The following CFAP46 variants were observed in gnomAD, a reference collection of about 807,000 sequenced individuals.
The protein encoded by CFAP46 is cilia and flagella associated protein 46, also known as cilia- and flagella-associated protein 46.
CFAP46 carries 245 observed loss-of-function variants against 325.7 expected under a neutral mutation model. The ratio of observed to expected loss-of-function variants is 0.75; its 90% CI spans 0.68 to 0.84. The LOEUF (loss-of-function observed/expected upper bound fraction) is 0.84. Among genes scored for constraint, CFAP46 ranks in the 40% least tolerant of loss-of-function variants. The pLI is 0.00. For synonymous variants in CFAP46, 1,523 were observed against 1,495.9 expected (o/e 1.02, Z -0.42); for missense variants, 3,346 against 3,543.0 (o/e 0.94, Z 1.41).
rs547564249 is a variant in CFAP46, at chr10:132,814,148, G to A, written c.7388+4C>T. ...AAACGGCTCCTGGGAGCCCAGATCC[G>A]AACCTGGGAAAGTGCTTGCTTCCCA... is the stretch of plus-strand genomic sequence containing the variant. On this transcript the variant is annotated splice_donor_region_variant and intron_variant, in intron 54 of 57. Transcript: ENST00000368586. 6.8e-5 allele frequency: 109 copies of A among 1,612,984 alleles called. 1 individual carries two copies. Among genetic ancestry groups the A allele is most frequent in the South Asian group, 3.4e-4 (31 of 91,054 alleles).
rs1849219356 is a variant in CFAP46, at chr10:132,889,007, C to G, written c.3305-3048G>C. Among the ~76,000 whole-genome samples, 3 of 152,358 alleles carry G rather than the reference C, an allele frequency of 2.0e-5. No homozygotes were observed. Among genetic ancestry groups the G allele is most frequent in the Admixed American group, 6.5e-5 (1 of 15,310 alleles). On this transcript the variant is annotated intron_variant, in intron 25 of 57. Coordinates refer to ENST00000368586, the MANE Select transcript of CFAP46 (RefSeq NM_001200049.3). The surrounding 1 kb of genome is among the most constrained non-coding windows in gnomAD (Gnocchi z 6.0). ...ACCCACCCTCTGGAGCCTTCTCAGA[C>G]TACGCAGCCCCTCACGCCCTTTCTC... is the stretch of plus-strand genomic sequence containing the variant.
rs773342466 is a variant in CFAP46, at chr10:132,922,563, C to A, written c.1402G>T (p.Ala468Ser). Residue 468 changes from alanine to serine, a missense_variant, in exon 12 of 58, where the codon GCC (alanine) becomes TCC (serine). Physicochemically the swap from Ala to Ser is moderately conservative, Grantham distance 99. Coordinates refer to ENST00000368586, the MANE Select transcript of CFAP46 (RefSeq NM_001200049.3). Reference sequence around the variant, plus strand: ...GTGCACAGACGCAGCCGGGTGGAGGCCATCTGGATCCTGTCCCGGTAGAGG... The same window carrying A: ...GTGCACAGACGCAGCCGGGTGGAGGACATCTGGATCCTGTCCCGGTAGAGG... ...LGLYRDRIQM[A>S]STRLRLCTTL... The A allele has an allele frequency of 1.3e-6, 2 of 1,548,290 alleles. No homozygotes were observed. Among genetic ancestry groups the A allele is most frequent in the South Asian group, 1.2e-5 (1 of 84,036 alleles).
chr10:132,891,615 C>G lies in CFAP46; in HGVS notation c.3304+718G>C, dbSNP rs11146563. Among the ~76,000 whole-genome samples, 3 of 152,206 alleles carry G rather than the reference C, an allele frequency of 2.0e-5. 1 individual carries two copies. The South Asian group carries it at 6.2e-4, about 32-fold the overall frequency. The stretch of plus-strand genomic sequence containing the variant: ...AAATCCACATGCTGTGGAGAATGCC[C>G]TTTTCCCTCTCCAGGGCTTTTCCCT... On this transcript the variant is annotated intron_variant, in intron 25 of 57. Transcript: ENST00000368586.
chr10:132,884,232 C>T lies in CFAP46; in HGVS notation c.3627+871G>A, dbSNP rs941064328. On this transcript the variant is annotated intron_variant, in intron 27 of 57. Coordinates refer to ENST00000368586, the MANE Select transcript of CFAP46 (RefSeq NM_001200049.3). This position sits in a 1 kb window ranked among gnomAD's most constrained non-coding sequence, Gnocchi z 5.4. ...AGGAACGACGTGGCCTCTGGTTCCCCGGAGCGAGGAGCAGTGGCTCCCTGT... is the reference window on the plus strand; with the variant it reads ...AGGAACGACGTGGCCTCTGGTTCCCTGGAGCGAGGAGCAGTGGCTCCCTGT... Among the ~76,000 whole-genome samples, 9 of 152,142 alleles carry T rather than the reference C, an allele frequency of 5.9e-5. No homozygotes were observed. Among genetic ancestry groups the T allele is most frequent in the Non-Finnish European group, 1.2e-4 (8 of 68,026 alleles).
At chr10:132,838,679 T>C (rs1362531211) in intron 44 of CFAP46, among the ~76,000 whole-genome samples, 1 of 152,260 alleles carries the variant, frequency 6.6e-6, no homozygotes, top group Non-Finnish European at 1.5e-5. Context: ...TTCCCGTCAA[T>C]GGGGGTCATG....
chr10:132,935,363 T>C (rs150180909), intron 7 of CFAP46, among the ~76,000 whole-genome samples: 10,280 of 74,632 alleles, frequency 0.14, 464 homozygotes, highest in Middle Eastern at 0.19. Flanking sequence ...TCACTCCCCT[T>C]GGCACCCAAA....
At chr10:132,862,614 T>A (rs1044155996) in intron 35 of CFAP46, among the ~76,000 whole-genome samples, 5 of 149,282 alleles carry the variant, frequency 3.3e-5, no homozygotes, top group African/African-American at 1.2e-4. Context: ...GAGTGCTGAG[T>A]GCTGAGGCTA....
intron 32 of CFAP46, among the ~76,000 whole-genome samples, chr10:132,870,929 A>G (rs951605633): frequency 1.3e-5 from 2 of 152,248 alleles, no homozygotes; most frequent in African/African-American, 4.8e-5. Flanking sequence ...TCAGAGCTAG[A>G]GAAGAAAAGT....
intron 44 of CFAP46, among the ~76,000 whole-genome samples, chr10:132,843,572 G>A (rs1441726961): frequency 1.5e-5 from 2 of 129,906 alleles, no homozygotes; most frequent in Non-Finnish European, 3.4e-5. Context: ...AGGGTGCCAT[G>A]GGGCTCTGGT....
At chr10:132,822,172 T>G (rs1459670360) in intron 50 of CFAP46, among the ~76,000 whole-genome samples, 1 of 137,952 alleles carries the variant, frequency 7.2e-6, no homozygotes, top group African/African-American at 2.9e-5. Flanking sequence ...CTGTGTGTGC[T>G]GATGTGTGCT....
chr10:132,852,708 A>G (rs1848578877), intron 39 of CFAP46, among the ~76,000 whole-genome samples: 1 of 152,232 alleles, frequency 6.6e-6, no homozygotes, highest in Admixed American at 6.5e-5. Flanking sequence ...ATCCACAGAC[A>G]TGATGCATTT....
In CFAP46 at chr10:132,919,317, C is replaced by CGCCGCAGCCTCAACTTCTTCACCTT; in HGVS notation, c.1831_1855dup (p.Arg619GlnfsTer16). On this transcript the variant is annotated frameshift_variant, in exon 15 of 58. Coordinates refer to ENST00000368586, the MANE Select transcript of CFAP46 (RefSeq NM_001200049.3). LOFTEE classifies it high-confidence loss of function. This position sits in a 1 kb window ranked among gnomAD's most constrained non-coding sequence, Gnocchi z 9.7. ...CACTCGTGAGGGCGGGTACGAACCTCGCCGCAGCCTCAACTTCTTCACCTT... is the reference window on the plus strand; with the variant it reads ...CACTCGTGAGGGCGGGTACGAACCTCGCCGCAGCCTCAACTTCTTCACCTTGCCGCAGCCTCAACTTCTTCACCTT... The CGCCGCAGCCTCAACTTCTTCACCTT allele has an allele frequency of 6.5e-7, 1 of 1,549,562 alleles. No homozygotes were observed.
rs143727091 is a variant in CFAP46 at position 132,874,155 on chromosome 10, C to T, written c.4363-1331G>A. On this transcript the variant is annotated intron_variant, in intron 31 of 57. Transcript: ENST00000368586. The stretch of plus-strand genomic sequence containing the variant: ...GACTAAAAGGCCAGCGTAACTTTTA[C>T]CACATCCTGAGGAGGACACACATGA... 2.5e-3 allele frequency among the ~76,000 whole-genome samples: 388 copies of T among 152,282 alleles called. 2 individuals are homozygous for T. Among genetic ancestry groups the T allele is most frequent in the African/African-American group, 8.9e-3 (369 of 41,548 alleles).
chr10:132,825,394 T>C (rs943111924), intron 50 of CFAP46, among the ~76,000 whole-genome samples: 1 of 152,174 alleles, frequency 6.6e-6, no homozygotes, highest in Non-Finnish European at 1.5e-5. Context: ...CATGTTAGCA[T>C]TTCTTACCAT....
At chr10:132,933,754 C>G (rs1849949628) in intron 8 of CFAP46, among the ~76,000 whole-genome samples, 1 of 152,236 alleles carries the variant, frequency 6.6e-6, no homozygotes, top group African/African-American at 2.4e-5. Context: ...TCTGGCGCCC[C>G]TCGCTAGCAC....
At chr10:132,923,527 C>T (rs1466966207) in intron 11 of CFAP46, among the ~76,000 whole-genome samples, 1 of 150,758 alleles carries the variant, frequency 6.6e-6, no homozygotes. Flanking sequence ...GCCCTGGAAC[C>T]CCTGGCCTTG....
rs143577412 is a variant in CFAP46 at position 132,880,411 on chromosome 10, T to C, written c.3799+450A>G. Among the ~76,000 whole-genome samples, 1,485 of 152,286 alleles carry C rather than the reference T, an allele frequency of 9.8e-3. 15 individuals are homozygous for C. The highest frequency in any genetic ancestry group is 0.044 in the South Asian group (211 of 4,818). On this transcript the variant is annotated intron_variant, in intron 28 of 57. Coordinates refer to ENST00000368586, the MANE Select transcript of CFAP46 (RefSeq NM_001200049.3). ...TGGCCAAGGGCCTGCTGAGGAGCAG[T>C]AGCTGGAGAATGGAGCCCCCACCTC...
chr10:132,913,383 G>A (rs943022274), intron 17 of CFAP46, 125 bp from the exon 18 acceptor site: 25 of 592,982 alleles, frequency 4.2e-5, no homozygotes, highest in East Asian at 1.7e-4. Context: ...GCGGGTGGGC[G>A]GCGACCAAAC....
chr10:132,851,722 C>T (rs977269465), intron 39 of CFAP46, among the ~76,000 whole-genome samples: 16 of 152,250 alleles, frequency 1.1e-4, no homozygotes, highest in African/African-American at 3.1e-4. Context: ...GTCGGTGCAC[C>T]GTGTGCACGC....
Sources: gnomAD v4.1 joint callset for allele counts (sites outside exome capture counted in the v4.1 genomes callset) on GRCh38, gnomAD v4.1.1 for gene constraint, Gnocchi (gnomAD v3.1) non-coding constraint, MANE v1.5 for transcripts, NCBI Gene and HGNC (gene_info 2026-07-23, HGNC 2026-07-21) for gene names.